Variants in RAD52 observed in about 807,000 individuals in gnomAD.
RAD52 encodes the protein DNA repair protein RAD52 homolog.
In RAD52, 47 loss-of-function variants were observed where a neutral mutation model predicts 55.5. The ratio of observed to expected loss-of-function variants is 0.85; its 90% confidence interval spans 0.67 to 1.08. The LOEUF (loss-of-function observed/expected upper bound fraction) is 1.08. RAD52 is among the 50% of genes least tolerant of loss of function. The pLI is 0.00. For synonymous variants in RAD52, 184 were observed against 198.9 expected, an observed-to-expected ratio of 0.92 and a Z score of 0.63; for missense variants, 468 against 522.8, an observed-to-expected ratio of 0.90 and a Z score of 1.02.
Position 913,228 on chromosome 12 carries a change from C to A in RAD52, c.*163G>T, listed in dbSNP as rs1026134694. 3 of 666,188 alleles carry A rather than the reference C, an allele frequency of 4.5e-6. No homozygotes were observed. Among genetic ancestry groups the A allele is most frequent in the Non-Finnish European group, 5.3e-6 (2 of 379,286 alleles). The allele number at this position is 666,188 out of a possible 1,614,324, so 41.3% of individuals were successfully genotyped here. A position where few individuals can be genotyped will look rare whatever the true frequency, so the allele number is the denominator to read the frequency against. ...GCTTTTCAAAAGTGCTCAGCTCTAA[C>A]TGCAGTGGGCTCTCAGTCAGATCCT... is the stretch of plus-strand genomic sequence containing the variant. On this transcript the variant is annotated 3_prime_UTR_variant, in exon 12 of 12. Transcript: ENST00000358495.
chr12:931,078 T>C, intron 3 of RAD52, 142 bp downstream of exon 3: 2 of 591,490 alleles, frequency 3.4e-6, no homozygotes, highest in Middle Eastern at 3.0e-4. Flanking sequence ...CTGGAACCCA[T>C]CCCCTCCCAG....
intron 1 of RAD52, among the ~76,000 whole-genome samples, chr12:940,267 G>A (rs747050711): frequency 2.8e-4 from 42 of 152,106 alleles, no homozygotes; most frequent in Middle Eastern, 6.8e-3. Context: ...TCTTGAAAAC[G>A]CAAGCCTTCT....
intron 9 of RAD52, among the ~76,000 whole-genome samples, chr12:915,557 G>C (rs916099654): frequency 6.6e-6 from 1 of 152,218 alleles, no homozygotes; most frequent in African/African-American, 2.4e-5. Context: ...TGGGGAGACA[G>C]AGAAGAAAGA....
In RAD52 at chr12:947,546, G is replaced by A. The variant is rs1463163520; in HGVS notation, c.-19+2056C>T. Among the ~76,000 whole-genome samples, 7 of 132,324 alleles carry A rather than the reference G, an allele frequency of 5.3e-5. No homozygotes were observed. In the East Asian group the frequency reaches 1.5e-3, roughly 28 times the overall value. The allele number at this position is 132,324 out of a possible 152,430, so 86.8% of individuals were successfully genotyped here. The stretch of plus-strand genomic sequence containing the variant: ...CGCCTGTAAGCCCAGTTACCGAGGA[G>A]GCTGAGAGAAACTCTGTCCCCCCAA... On this transcript the variant is annotated intron_variant, in intron 1 of 11. Coordinates refer to ENST00000358495, the MANE Select transcript of RAD52 (RefSeq NM_134424.4).
At chr12:926,243 G>A (rs12827343) in intron 6 of RAD52, among the ~76,000 whole-genome samples, 45 of 152,002 alleles carry the variant, frequency 3.0e-4, no homozygotes, top group South Asian at 8.3e-4. Context: ...CTGTGATCCC[G>A]GCACTTTGGG....
At chr12:973,804 T>TTTTTTTTTTTTTTA (rs1958901989) in intron 1 of RAD52, among the ~76,000 whole-genome samples, 1 of 146,894 alleles carries the variant, frequency 6.8e-6, no homozygotes, top group African/African-American at 2.6e-5. Context: ...TTTTTTTTTT[T>TTTTTTTTTTTTTTA]AAGAAATGTG....
rs1200057029 is a variant in RAD52 at position 913,055 on chromosome 12, A to AT, written c.*335dup. On this transcript the variant is annotated 3_prime_UTR_variant, in exon 12 of 12. Transcript: ENST00000358495. Reference sequence around the variant, plus strand: ...GTGCTTAGGACCAAGTCTGGCCTATATTGCTTGAGGGCAAGGAGCCATTGG... The same window carrying AT: ...GTGCTTAGGACCAAGTCTGGCCTATATTTGCTTGAGGGCAAGGAGCCATTGG... 9.2e-5 allele frequency: 20 copies of AT among 217,882 alleles called. No homozygotes were observed. Among genetic ancestry groups the AT allele is most frequent in the Non-Finnish European group, 1.6e-4 (19 of 118,886 alleles). The allele number at this position is 217,882 out of a possible 1,614,324, so 13.5% of individuals were successfully genotyped here.
chr12:953,812 T>G (rs1220326129), upstream of RAD52, among the ~76,000 whole-genome samples: 1 of 152,198 alleles, frequency 6.6e-6, no homozygotes, highest in Non-Finnish European at 1.5e-5. Context: ...CCTTCCCCAC[T>G]GTGAACATCA....
chr12:963,224 A>G (rs10735067), intron 1 of RAD52, among the ~76,000 whole-genome samples: 116,425 of 152,170 alleles, frequency 0.77, 44,903 homozygotes, highest in South Asian at 0.84. Context: ...TAGCTTACTG[A>G]TTCTCAATCT....
chr12:928,645 TTTTA>T (rs1376406620), intron 5 of RAD52, among the ~76,000 whole-genome samples: 6 of 152,156 alleles, frequency 3.9e-5, no homozygotes, highest in South Asian at 4.1e-4. Context: ...ATTTTAAATT[TTTTA>T]TTTTTGTGGC....
intron 1 of RAD52, among the ~76,000 whole-genome samples, chr12:947,812 CAGG>C (rs1312659191): frequency 6.6e-6 from 1 of 150,556 alleles, no homozygotes; most frequent in East Asian, 2.0e-4. Context: ...CGCTTGAACC[CAGG>C]AGGTGAGGTT....
chr12:940,321 G>A (rs547403020), intron 1 of RAD52, among the ~76,000 whole-genome samples: 5 of 152,074 alleles, frequency 3.3e-5, no homozygotes, highest in Admixed American at 6.6e-5. Context: ...TCTGTTGGCC[G>A]GGCGCGGTGG....
intron 1 of RAD52, among the ~76,000 whole-genome samples, chr12:982,400 C>T (rs1432180685): frequency 6.6e-6 from 1 of 152,156 alleles, no homozygotes; most frequent in South Asian, 2.1e-4. Flanking sequence ...CCACATTTTA[C>T]TAAAGCAACC....
rs915749372 is a variant in RAD52 at position 931,389 on chromosome 12, T to C, written c.85-68A>G. 9 of 1,173,728 alleles carry C rather than the reference T, an allele frequency of 7.7e-6. No individual in the cohort carries two copies. The African/African-American group carries it at 1.4e-4, about 18-fold the overall frequency. The allele number at this position is 1,173,728 out of a possible 1,614,324, so 72.7% of individuals were successfully genotyped here. ...TCCTCACATCATTGAGTCTCCATCC[T>C]TTATGGAGACTTTATACTCTTAAAA... On this transcript the variant is annotated intron_variant, in intron 2 of 11. Transcript: ENST00000358495.
At chr12:925,930 C>T (rs1957009984) in intron 6 of RAD52, among the ~76,000 whole-genome samples, 1 of 152,154 alleles carries the variant, frequency 6.6e-6, no homozygotes, top group Non-Finnish European at 1.5e-5. Flanking sequence ...CACAACCTCC[C>T]ATGACCAGAG....
At chr12:957,863 G>A (rs543261996) in intron 1 of RAD52, among the ~76,000 whole-genome samples, 2 of 152,242 alleles carry the variant, frequency 1.3e-5, no homozygotes, top group Admixed American at 6.5e-5. Flanking sequence ...TGGGCTTTAC[G>A]CATATTAATT....
At chr12:950,497 G>A (rs1024468020), upstream of RAD52, among the ~76,000 whole-genome samples, 4 of 151,814 alleles carry the variant, frequency 2.6e-5, no homozygotes, top group Admixed American at 1.3e-4. Context: ...CGTGAACCCC[G>A]GGGGACGGAG....
rs539100380 is a variant in RAD52 at position 943,531 on chromosome 12, T to C, written c.-19+6071A>G. ...CTAATTCTAATTCTTGTATTTTTAGTAGAGATGGGGTTTCACTATATTGCT... is the reference window on the plus strand; with the variant it reads ...CTAATTCTAATTCTTGTATTTTTAGCAGAGATGGGGTTTCACTATATTGCT... On this transcript the variant is annotated intron_variant, in intron 1 of 11. Transcript: ENST00000358495. Among the ~76,000 whole-genome samples the C allele has an allele frequency of 7.9e-5, 12 of 152,284 alleles. No individual in the cohort carries two copies. The South Asian group carries it at 2.3e-3, about 29-fold the overall frequency.
At chr12:928,318 C>A (rs973686581) in intron 5 of RAD52, among the ~76,000 whole-genome samples, 3 of 152,126 alleles carry the variant, frequency 2.0e-5, no homozygotes, top group South Asian at 4.1e-4. Flanking sequence ...TCCAGACCAG[C>A]CTGACCAACA....
Sources: allele counts gnomAD v4.1 joint callset (sites outside exome capture counted in the v4.1 genomes callset), GRCh38; gene constraint gnomAD v4.1.1; transcripts MANE v1.5; gene names NCBI Gene and HGNC (gene_info 2026-07-23, HGNC 2026-07-21).